CLN8: variants seen among roughly 807,000 people sequenced by gnomAD.
CLN8 encodes the protein protein CLN8.
A neutral mutation model predicts 15.7 loss-of-function variants in CLN8; 14 were observed. That is an observed-to-expected ratio of 0.89 (90% confidence interval 0.59 to 1.39). The LOEUF (loss-of-function observed/expected upper bound fraction) is 1.39. Among genes scored for constraint, CLN8 ranks in the 40% most tolerant of loss-of-function variants. The pLI is 0.00. For missense variants in CLN8, 415 were observed against 364.0 expected (o/e 1.14, Z -1.14); for synonymous variants, 188 against 151.0 (o/e 1.25, Z -1.80).
chr8:1,755,177 G>A (rs1419688023), upstream of CLN8, among the ~76,000 whole-genome samples: 1 of 152,178 alleles, frequency 6.6e-6, no homozygotes, highest in Non-Finnish European at 1.5e-5. Context: ...GACCCTTCTG[G>A]GAAAGGGAGA....
At chr8:1,761,052 C>T (rs989593844), upstream of CLN8, among the ~76,000 whole-genome samples, 12 of 104,120 alleles carry the variant, frequency 1.2e-4, no homozygotes, top group African/African-American at 2.4e-4. Flanking sequence ...TGGAGTCTTG[C>T]TCTGTTGCCC....
intron 1 of CLN8, among the ~76,000 whole-genome samples, chr8:1,770,336 G>C (rs1479421946): frequency 6.6e-6 from 1 of 152,190 alleles, no homozygotes; most frequent in Admixed American, 6.5e-5. Flanking sequence ...ATAGCATGGA[G>C]TGAGATGCAG....
At chr8:1,761,731 C>G (rs1241804716), upstream of CLN8, among the ~76,000 whole-genome samples, 1 of 152,214 alleles carries the variant, frequency 6.6e-6, no homozygotes, top group Non-Finnish European at 1.5e-5. Flanking sequence ...AAGCTGTCCT[C>G]TTGGCCTGAG....
intron 1 of CLN8, among the ~76,000 whole-genome samples, 196 bp from the exon 2 acceptor site, chr8:1,770,736 G>T (rs143899926): frequency 6.6e-6 from 1 of 152,150 alleles, no homozygotes; most frequent in Admixed American, 6.5e-5. Flanking sequence ...TGGCTGGACC[G>T]CTCTAGCTTT....
chr8:1,774,512 C>T (rs1801436812), intron 2 of CLN8, among the ~76,000 whole-genome samples: 1 of 152,116 alleles, frequency 6.6e-6, no homozygotes, highest in Non-Finnish European at 1.5e-5. Context: ...CATGAGGATT[C>T]AACATTTCTC....
chr8:1,764,766 A>G (rs912741879), intron 1 of CLN8: 1 of 152,172 alleles, frequency 6.6e-6, no homozygotes, highest in Non-Finnish European at 1.5e-5. Context: ...GGGTGTGGAC[A>G]GTAGGGAGGG....
At chr8:1,771,746 C>G in intron 2 of CLN8, 149 bp downstream of exon 2, 2 of 754,474 alleles carry the variant, frequency 2.7e-6, no homozygotes, top group Non-Finnish European at 4.4e-6. Context: ...ATGCAATATT[C>G]TGGTTTTGTT....
Position 1,771,228 on chromosome 8 carries a change from C to G in CLN8, c.174C>G (p.Ala58=). ...SLNATYRSLV[A]REKVFWDLAA... is the part of the protein sequence containing the mutation. ...ATGCCACTTACCGTTCTTTGGTGGC[C>G]AGAGAGAAGGTCTTCTGGGACCTGG... Residue 58 remains alanine (A), a synonymous_variant, in exon 2 of 3, where the codon GCC becomes GCG. Coordinates refer to ENST00000331222, the MANE Select transcript of CLN8 (RefSeq NM_018941.4). 6.2e-7 allele frequency: 1 copy of G among 1,613,774 alleles called. No homozygotes were observed. The highest frequency in any genetic ancestry group is 8.5e-7 in the Non-Finnish European group (1 of 1,179,804).
chr8:1,766,390 GTTT>G (rs5888909), intron 1 of CLN8, among the ~76,000 whole-genome samples: 7 of 109,484 alleles, frequency 6.4e-5, no homozygotes, highest in South Asian at 3.2e-4. Flanking sequence ...CCAGTTTTTT[GTTT>G]TTTTTTTTTT....
At position 1,770,964 on chromosome 8, in the gene CLN8, C is replaced by G; in HGVS notation, c.-91C>G. On this transcript the variant is annotated 5_prime_UTR_variant, in exon 2 of 3. Transcript: ENST00000331222. ...ATGGATACGTGACAATCCCAGGGAC[C>G]GCTGCACTGACTTCATTTCCTTAGA... The G allele has an allele frequency of 1.7e-6, 2 of 1,175,814 alleles. No homozygotes were observed. The highest frequency in any genetic ancestry group is 1.7e-5 in the Admixed American group (1 of 57,844). 72.8% of individuals were successfully genotyped at this position (1,175,814 alleles called of 1,614,324 possible).
upstream of CLN8, chr8:1,762,571 G>A (rs950716357): frequency 1.3e-5 from 2 of 152,158 alleles, no homozygotes; most frequent in African/African-American, 2.4e-5. Context: ...AAACCTAAAT[G>A]AGCCAGCAGA....
intron 2 of CLN8, among the ~76,000 whole-genome samples, chr8:1,772,077 AGGT>A (rs1801332661): frequency 1.3e-5 from 2 of 152,026 alleles, no homozygotes; most frequent in African/African-American, 4.8e-5. Context: ...CTAGGACTAC[AGGT>A]GCGCACCACC....
exon 1 of CLN8, chr8:1,755,945 G>A (rs1004189144): frequency 6.6e-6 from 1 of 151,928 alleles, no homozygotes; most frequent in Non-Finnish European, 1.5e-5. Flanking sequence ...AAGAGAGGGG[G>A]AAAATGTGAA....
At chr8:1,777,204 A>T (rs1420071188) in intron 2 of CLN8, among the ~76,000 whole-genome samples, 1 of 152,198 alleles carries the variant, frequency 6.6e-6, no homozygotes, top group South Asian at 2.1e-4. Flanking sequence ...CACAACTGTA[A>T]ATATTTGTGT....
intron 1 of CLN8, among the ~76,000 whole-genome samples, chr8:1,766,686 C>T (rs1040630085): frequency 2.0e-5 from 3 of 152,118 alleles, no homozygotes; most frequent in Admixed American, 6.5e-5. Context: ...CCACCCTGCC[C>T]GGCCGATTCG....
At chr8:1,766,357 G>C (rs1207981651) in intron 1 of CLN8, among the ~76,000 whole-genome samples, 2 of 151,286 alleles carry the variant, frequency 1.3e-5, no homozygotes, top group African/African-American at 2.4e-5. Flanking sequence ...GAAAGAACCA[G>C]ATGAGTCCAT....
chr8:1,767,369 G>A (rs1357558242), intron 1 of CLN8, among the ~76,000 whole-genome samples: 1 of 152,152 alleles, frequency 6.6e-6, no homozygotes, highest in African/African-American at 2.4e-5. Flanking sequence ...CCACTCAGCT[G>A]TGGCTTACCT....
At chr8:1,771,637 G>T (rs374165512) in intron 2 of CLN8, 40 bp downstream of exon 2, 23 of 1,574,540 alleles carry the variant, frequency 1.5e-5, no homozygotes, top group Non-Finnish European at 1.0e-5. Context: ...TGTGCCTCAC[G>T]CATTTAATCA....
chr8:1,776,641 G>T (rs909405964), intron 2 of CLN8, among the ~76,000 whole-genome samples: 2 of 152,216 alleles, frequency 1.3e-5, no homozygotes, highest in African/African-American at 4.8e-5. Context: ...TTTGGTTTTT[G>T]TCAGCTCTTT....
Sources: allele counts gnomAD v4.1 joint callset (sites outside exome capture counted in the v4.1 genomes callset), GRCh38; gene constraint gnomAD v4.1.1; transcripts MANE v1.5; gene names NCBI Gene and HGNC (gene_info 2026-07-23, HGNC 2026-07-21).